Variants in GRIK2 observed in about 807,000 individuals in gnomAD.
The protein encoded by GRIK2 is glutamate ionotropic receptor kainate type subunit 2.
Under a neutral mutation model 100.3 loss-of-function variants are expected in GRIK2, and 32 were observed. The observed-to-expected ratio is 0.32, with a 90% CI of 0.24 to 0.43. The LOEUF is 0.43. Among genes scored for constraint, GRIK2 ranks in the 20% least tolerant of loss-of-function variants. The probability of loss-of-function intolerance (pLI) is 1.00; values close to 1 mark genes in which losing one functional copy is unlikely to be tolerated. For synonymous variants in GRIK2, 417 were observed against 389.4 expected (o/e 1.07, Z -0.83); for missense variants, 843 against 1,114.9 (o/e 0.76, Z 3.47).
At chr6:101,581,727 G>C (rs1384550937) in intron 2 of GRIK2, among the ~76,000 whole-genome samples, 1 of 152,114 alleles carries the variant, frequency 6.6e-6, no homozygotes, top group Non-Finnish European at 1.5e-5. Context: ...ACAAATATCT[G>C]TCTGTAGTAT....
At chr6:101,645,152 C>T (rs1379559879) in intron 4 of GRIK2, among the ~76,000 whole-genome samples, 1 of 147,602 alleles carries the variant, frequency 6.8e-6, no homozygotes, top group African/African-American at 2.5e-5. Context: ...GCCTTGATAA[C>T]AGAATAAGAA....
At chr6:101,556,406 C>G (rs1776755308) in intron 2 of GRIK2, among the ~76,000 whole-genome samples, 1 of 134,214 alleles carries the variant, frequency 7.5e-6, no homozygotes, top group African/African-American at 2.8e-5. Context: ...GCGATCTCGG[C>G]TCACTGCAAG....
intron 2 of GRIK2, among the ~76,000 whole-genome samples, chr6:101,405,917 A>G (rs560946415): frequency 3.5e-4 from 54 of 152,356 alleles, no homozygotes; most frequent in African/African-American, 1.1e-3. Context: ...ACAATTTTGA[A>G]AAAAGCTTTT....
chr6:101,539,487 G>A (rs770371109), intron 2 of GRIK2, among the ~76,000 whole-genome samples: 1 of 151,728 alleles, frequency 6.6e-6, no homozygotes, highest in Non-Finnish European at 1.5e-5. Flanking sequence ...ACTATAAAGT[G>A]TCATCTCAGA....
intron 2 of GRIK2, among the ~76,000 whole-genome samples, chr6:101,480,985 C>T (rs1042047783): frequency 6.6e-6 from 1 of 152,056 alleles, no homozygotes; most frequent in Non-Finnish European, 1.5e-5. Context: ...GTGATATTGG[C>T]AAACATGAAA....
chr6:101,865,616 G>A (rs189566930), intron 11 of GRIK2, among the ~76,000 whole-genome samples: 88 of 152,238 alleles, frequency 5.8e-4, no homozygotes, highest in Admixed American at 2.4e-3. Flanking sequence ...GCTAGGCGTC[G>A]TGACTCACAC....
At chr6:101,920,224 C>T (rs1236517511) in intron 12 of GRIK2, among the ~76,000 whole-genome samples, 1 of 151,884 alleles carries the variant, frequency 6.6e-6, no homozygotes, top group Non-Finnish European at 1.5e-5. Flanking sequence ...CTAATGAAGA[C>T]AGCCCAAAAT....
At chr6:102,002,554 CTT>C (rs1337114163) in intron 14 of GRIK2, among the ~76,000 whole-genome samples, 1 of 150,108 alleles carries the variant, frequency 6.7e-6, no homozygotes, top group African/African-American at 2.4e-5. Flanking sequence ...ATTATCTGCT[CTT>C]GAGTGTTGCA....
intron 2 of GRIK2, among the ~76,000 whole-genome samples, chr6:101,436,882 A>G (rs1769748491): frequency 6.6e-6 from 1 of 151,174 alleles, no homozygotes. Context: ...AGTCCTATAT[A>G]ATTTAAAATT....
intron 2 of GRIK2, among the ~76,000 whole-genome samples, chr6:101,527,796 G>A (rs56328730): frequency 0.15 from 22,337 of 152,184 alleles, 1,847 homozygotes; most frequent in Admixed American, 0.19. Context: ...AGGAAAATAG[G>A]TGTTCTTTTC....
At chr6:101,473,971 C>T (rs1582528596) in intron 2 of GRIK2, among the ~76,000 whole-genome samples, 1 of 151,880 alleles carries the variant, frequency 6.6e-6, no homozygotes, top group East Asian at 1.9e-4. Flanking sequence ...AAACCTGCTG[C>T]CTAGTTTTTT....
At chr6:101,835,749 A>T (rs899933488) in intron 10 of GRIK2, among the ~76,000 whole-genome samples, 3 of 146,904 alleles carry the variant, frequency 2.0e-5, no homozygotes, top group Non-Finnish European at 3.0e-5. Flanking sequence ...ACAGCCGTGA[A>T]CCATGGCGCC....
intron 9 of GRIK2, among the ~76,000 whole-genome samples, chr6:101,809,368 A>C (rs1238678223): frequency 6.6e-6 from 1 of 152,014 alleles, no homozygotes; most frequent in Non-Finnish European, 1.5e-5. Flanking sequence ...ATTTCTACAG[A>C]AATCTTTACT....
intron 2 of GRIK2, among the ~76,000 whole-genome samples, chr6:101,589,720 CT>C (rs1778550724): frequency 2.0e-5 from 3 of 151,976 alleles, no homozygotes; most frequent in African/African-American, 7.2e-5. Context: ...TTTTTGAGAA[CT>C]GGTTTACTAG....
intron 4 of GRIK2, among the ~76,000 whole-genome samples, chr6:101,642,195 T>C (rs1349990115): frequency 1.3e-5 from 2 of 151,870 alleles, no homozygotes; most frequent in Non-Finnish European, 3.0e-5. Context: ...TCTTAGAACA[T>C]GTATAACAGT....
chr6:101,617,934 A>G (rs1198728201), intron 2 of GRIK2, among the ~76,000 whole-genome samples: 1 of 151,098 alleles, frequency 6.6e-6, no homozygotes, highest in East Asian at 1.9e-4. Context: ...TGTCATATAT[A>G]TATGTGTGTG....
intron 2 of GRIK2, among the ~76,000 whole-genome samples, chr6:101,458,829 T>C (rs73502694): frequency 0.038 from 5,863 of 152,294 alleles, 401 homozygotes; most frequent in African/African-American, 0.13. Flanking sequence ...ACCTCTCATT[T>C]CATGAGGCCA....
At chr6:102,028,734 T>TA (rs397709851) in intron 14 of GRIK2, among the ~76,000 whole-genome samples, 1 of 151,114 alleles carries the variant, frequency 6.6e-6, no homozygotes, top group Non-Finnish European at 1.5e-5. Context: ...TCGTTTTTTT[T>TA]ATTTTTGTCA....
chr6:101,693,340 G>A lies in GRIK2; in HGVS notation c.951+6987G>A, dbSNP rs977493143. Among the ~76,000 whole-genome samples the A allele has an allele frequency of 3.3e-5, 5 of 151,398 alleles. No homozygotes were observed. In the East Asian group the frequency reaches 9.7e-4, roughly 29 times the overall value. ...GAGCAAAATTTATCTTCAAAGCATTGATATAATATTATGTGACACCAACTT... is the reference window on the plus strand; with the variant it reads ...GAGCAAAATTTATCTTCAAAGCATTAATATAATATTATGTGACACCAACTT... On this transcript the variant is annotated intron_variant, in intron 7 of 16. Transcript: ENST00000369134.
Sources: gnomAD v4.1 joint callset for allele counts (sites outside exome capture counted in the v4.1 genomes callset) on GRCh38, gnomAD v4.1.1 for gene constraint, MANE v1.5 for transcripts, NCBI Gene and HGNC (gene_info 2026-07-23, HGNC 2026-07-21) for gene names.